Variants in EEF2K observed in about 807,000 individuals in gnomAD.
EEF2K encodes alternative protein EEF2K.
Under a neutral mutation model 93.8 loss-of-function variants are expected in EEF2K, and 70 were observed. The observed-to-expected ratio is 0.75, with a 90% CI of 0.62 to 0.91. EEF2K has a LOEUF of 0.91. Ranked by LOEUF, EEF2K falls within the 40% of genes least tolerant of loss-of-function variation. The pLI, the probability that EEF2K is intolerant of heterozygous loss-of-function variation, is 0.00. For synonymous variants in EEF2K, 376 were observed against 380.8 expected (o/e 0.99, Z 0.15); for missense variants, 935 against 972.9 (o/e 0.96, Z 0.52).
intron 9 of EEF2K, among the ~76,000 whole-genome samples, chr16:22,258,251 G>C (rs1310670102): frequency 6.6e-6 from 1 of 152,102 alleles, no homozygotes; most frequent in Non-Finnish European, 1.5e-5. Flanking sequence ...TGTGGAATGT[G>C]GTCAGTGCTT....
intron 2 of EEF2K, among the ~76,000 whole-genome samples, chr16:22,235,542 G>A (rs1021247592): frequency 6.6e-6 from 1 of 152,064 alleles, no homozygotes; most frequent in African/African-American, 2.4e-5. Context: ...TTGTTGCCCA[G>A]GCTGGAGTGC....
At chr16:22,258,227 C>A (rs757772682) in intron 9 of EEF2K, among the ~76,000 whole-genome samples, 2 of 152,170 alleles carry the variant, frequency 1.3e-5, no homozygotes, top group Non-Finnish European at 2.9e-5. Flanking sequence ...GGAATGCTTT[C>A]TCCAGCTCTG....
At chr16:22,226,080 A>T in intron 2 of EEF2K, 105 bp downstream of exon 2, 1 of 1,499,410 alleles carries the variant, frequency 6.7e-7, no homozygotes, top group African/African-American at 1.4e-5. Context: ...CAAACCCTGG[A>T]CAGTGCTCTA....
At chr16:22,249,967 A>G (rs2047332863) in intron 4 of EEF2K, among the ~76,000 whole-genome samples, 1 of 151,874 alleles carries the variant, frequency 6.6e-6, no homozygotes, top group Admixed American at 6.6e-5. Flanking sequence ...TTTTTAGTAG[A>G]GACAGGGTTT....
chr16:22,254,748 T>C (rs1183066585), intron 6 of EEF2K, among the ~76,000 whole-genome samples: 1 of 152,196 alleles, frequency 6.6e-6, no homozygotes, highest in Admixed American at 6.5e-5. Context: ...GGTTGGTTTA[T>C]ATTTCTCTAG....
intron 15 of EEF2K, 149 bp downstream of exon 15, chr16:22,267,025 G>T: frequency 1.0e-6 from 1 of 994,480 alleles, no homozygotes. Flanking sequence ...GCACTGGTTT[G>T]GGGGCAGGCC....
At position 22,258,586 on chromosome 16, in the gene EEF2K, TC is replaced by T. The variant is rs1240142831; in HGVS notation, c.1126del (p.Leu376PhefsTer10). 1 of 1,613,966 alleles carries T rather than the reference TC, an allele frequency of 6.2e-7. No homozygotes were observed. The highest frequency in any genetic ancestry group is 8.5e-7 in the Non-Finnish European group (1 of 1,180,050). Reference sequence around the variant, plus strand: ...CTGGGAGCCGGCCACCCCTGCTCCGTCCCCTTTCAGAGAACTCTGGAGACGA... The same window carrying T: ...CTGGGAGCCGGCCACCCCTGCTCCGTCCCTTTCAGAGAACTCTGGAGACGA... ...LSGSRPPLLR[P>X]LSENSGDENM... On this transcript the variant is annotated frameshift_variant, in exon 10 of 18. Transcript: ENST00000263026. LOFTEE classifies it high-confidence loss of function.
In EEF2K at chr16:22,287,737, C is replaced by T. The variant is rs1465936555; in HGVS notation, c.*3741C>T. 1 of 152,200 alleles carries T rather than the reference C, an allele frequency of 6.6e-6. No individual in the cohort carries two copies. Among genetic ancestry groups the T allele is most frequent in the Admixed American group, 6.5e-5 (1 of 15,272 alleles). The allele number at this position is 152,200 out of a possible 1,614,324, so 9.4% of individuals were successfully genotyped here. A position where few individuals can be genotyped will look rare whatever the true frequency, so the allele number is the denominator to read the frequency against. ...CCCAAACCCCAGTGTTCCTGAATAT[C>T]TGTTCTCCCCCTGACCACTCTGGGA... On this transcript the variant is annotated 3_prime_UTR_variant, in exon 18 of 18. Coordinates refer to ENST00000263026, the MANE Select transcript of EEF2K (RefSeq NM_013302.5).
rs781477493 is a variant in EEF2K, at chr16:22,251,293, G to A, written c.589G>A (p.Glu197Lys). Reference sequence around the variant, plus strand: ...GATGGAGGCCAAGCTCTGGGGGGAGGAGTATAATCGGCACAAGCCCCCCAA... The same window carrying A: ...GATGGAGGCCAAGCTCTGGGGGGAGAAGTATAATCGGCACAAGCCCCCCAA... ...LQMEAKLWGE[E>K]YNRHKPPKQV... Residue 197 changes from glutamate to lysine, a missense_variant, in exon 6 of 18, where the codon GAG (glutamate) becomes AAG (lysine). Physicochemically the swap from Glu to Lys is moderately conservative, Grantham distance 56. Transcript: ENST00000263026. 1.2e-6 allele frequency: 2 copies of A among 1,614,130 alleles called. No individual in the cohort carries two copies. The highest frequency in any genetic ancestry group is 1.7e-5 in the Admixed American group (1 of 60,010).
intron 2 of EEF2K, among the ~76,000 whole-genome samples, chr16:22,226,325 C>CTTT (rs935058417): frequency 7.7e-4 from 49 of 63,644 alleles, no homozygotes; most frequent in East Asian, 2.1e-3. Context: ...AGGTGCTGTT[C>CTTT]TTTTTTTTTT....
chr16:22,229,006 G>T (rs1044534349), intron 2 of EEF2K, among the ~76,000 whole-genome samples: 1 of 151,764 alleles, frequency 6.6e-6, no homozygotes, highest in Non-Finnish European at 1.5e-5. Flanking sequence ...CACAATGGTG[G>T]TGCATGCCTG....
At chr16:22,274,234 A>G (rs1255840928) in intron 16 of EEF2K, among the ~76,000 whole-genome samples, 1 of 152,094 alleles carries the variant, frequency 6.6e-6, no homozygotes, top group African/African-American at 2.4e-5. Flanking sequence ...TGAGGTCAGG[A>G]GTTCAAGACC....
chr16:22,239,980 G>A (rs1354734875), intron 2 of EEF2K, among the ~76,000 whole-genome samples: 1 of 152,024 alleles, frequency 6.6e-6, no homozygotes, highest in East Asian at 1.9e-4. Flanking sequence ...GCGCAAGCCT[G>A]TAGTCCCAGC....
intron 17 of EEF2K, among the ~76,000 whole-genome samples, chr16:22,281,274 G>T (rs965958208): frequency 6.6e-6 from 1 of 151,650 alleles, no homozygotes; most frequent in African/African-American, 2.4e-5. Flanking sequence ...GAATCTCACT[G>T]TGTCACTCAG....
At chr16:22,225,342 G>A (rs2047051911) in intron 1 of EEF2K, among the ~76,000 whole-genome samples, 1 of 152,160 alleles carries the variant, frequency 6.6e-6, no homozygotes, top group Non-Finnish European at 1.5e-5. Flanking sequence ...AGGGGTGGGC[G>A]TTAAGCAGAG....
At position 22,251,191 on chromosome 16, in the gene EEF2K, G is replaced by A; in HGVS notation, c.487G>A (p.Gly163Ser). 6.2e-7 allele frequency: 1 copy of A among 1,614,082 alleles called. No homozygotes were observed. The highest frequency in any genetic ancestry group is 8.5e-7 in the Non-Finnish European group (1 of 1,180,006). Residue 163 changes from glycine to serine, a missense_variant, in exon 6 of 18, where the codon GGC becomes AGC. Physicochemically the swap from Gly to Ser is moderately conservative, Grantham distance 56. Transcript: ENST00000263026. ...CTTCTTGCATGCCCAGCAGTGGAAG[G>A]GCGCCTCCAACTACGTGGCGAAGCG... ...SNFLHAQQWK[G>S]ASNYVAKRYI...
chr16:22,235,412 G>C (rs1322867883), intron 2 of EEF2K, among the ~76,000 whole-genome samples: 1 of 152,118 alleles, frequency 6.6e-6, no homozygotes, highest in Non-Finnish European at 1.5e-5. Flanking sequence ...TATGGATGTA[G>C]TGTCTTGATG....
At chr16:22,275,119 T>C (rs760486547) in intron 16 of EEF2K, among the ~76,000 whole-genome samples, 6 of 152,136 alleles carry the variant, frequency 3.9e-5, no homozygotes, top group Admixed American at 6.5e-5. Context: ...ATGGTGCCCA[T>C]TGAGTGCACT....
At chr16:22,227,297 C>T (rs528234216) in intron 2 of EEF2K, among the ~76,000 whole-genome samples, 63 of 151,052 alleles carry the variant, frequency 4.2e-4, no homozygotes, top group African/African-American at 1.4e-3. Flanking sequence ...GATCTCGGCT[C>T]ACTGAAACGT....
Sources: gnomAD v4.1 joint callset for allele counts (sites outside exome capture counted in the v4.1 genomes callset) on GRCh38, gnomAD v4.1.1 for gene constraint, MANE v1.5 for transcripts, NCBI Gene and HGNC (gene_info 2026-07-23, HGNC 2026-07-21) for gene names.